Variants in C2orf74 observed in about 807,000 individuals in gnomAD.
C2orf74 encodes DPM1 ER membrane anchor 1.
Under a neutral mutation model 17.9 loss-of-function variants are expected in C2orf74, and 14 were observed. The ratio of observed to expected loss-of-function variants is 0.78; its 90% confidence interval spans 0.52 to 1.22. C2orf74 has a LOEUF of 1.22. C2orf74 is among the 50% of genes most tolerant of loss of function. The pLI is 0.00. For synonymous variants in C2orf74, 79 were observed against 72.6 expected (o/e 1.09, Z -0.44); for missense variants, 217 against 218.4 (o/e 0.99, Z 0.04).
rs34469347 is a variant in C2orf74, at chr2:61,155,834, G to GT, written c.-121-7000dup. ...CGTGCCCGGCCCCAGAAATCAAGGT[G>GT]TTTTTTTTAAACAGTTTTAAAGCAG... On this transcript the variant is annotated intron_variant, in intron 1 of 3. Coordinates refer to the C2orf74 transcript ENST00000426997. Among the ~76,000 whole-genome samples, 18 of 151,496 alleles carry GT rather than the reference G, an allele frequency of 1.2e-4. No homozygotes were observed. The East Asian group carries it at 2.5e-3, about 21-fold the overall frequency.
intron 1 of C2orf74, among the ~76,000 whole-genome samples, chr2:61,150,422 AGAG>A (rs1329434816): frequency 6.6e-6 from 1 of 152,178 alleles, no homozygotes; most frequent in African/African-American, 2.4e-5. Flanking sequence ...TCTCTATAAA[AGAG>A]GAGTGAGAGC....
rs1002586618 is a variant in C2orf74, at chr2:61,162,338, C to T, written c.-100+18C>T. Reference sequence around the variant, plus strand: ...TAGCCAGTGTGAGTCAACTCTGCAACAAGCAGAGCATCTTTCATGAAGCTG... The same window carrying T: ...TAGCCAGTGTGAGTCAACTCTGCAATAAGCAGAGCATCTTTCATGAAGCTG... On this transcript the variant is annotated intron_variant, in intron 1 of 4. Transcript: ENST00000432605. The T allele has an allele frequency of 4.9e-6, 3 of 610,344 alleles. No individual in the cohort carries two copies. Among genetic ancestry groups the T allele is most frequent in the Admixed American group, 3.2e-5 (1 of 31,338 alleles). 37.8% of individuals were successfully genotyped at this position (610,344 alleles called of 1,614,324 possible). A position where few individuals can be genotyped will look rare whatever the true frequency, so the allele number is the denominator to read the frequency against.
At chr2:61,154,299 G>A (rs561652130) in intron 1 of C2orf74, among the ~76,000 whole-genome samples, 1 of 151,914 alleles carries the variant, frequency 6.6e-6, no homozygotes, top group Admixed American at 6.6e-5. Flanking sequence ...TCATCCTACA[G>A]TATACTTGAT....
At chr2:61,147,148 A>T (rs1729656) in intron 1 of C2orf74, among the ~76,000 whole-genome samples, 1 of 151,428 alleles carries the variant, frequency 6.6e-6, no homozygotes, top group African/African-American at 2.4e-5. Context: ...CAGCCTAGGC[A>T]ACAGAGGAAG....
chr2:61,146,907 T>A (rs947326759), intron 1 of C2orf74, among the ~76,000 whole-genome samples: 7 of 151,598 alleles, frequency 4.6e-5, no homozygotes. Flanking sequence ...CCCACCACTT[T>A]GGAAGACTGA....
intron 1 of C2orf74, among the ~76,000 whole-genome samples, chr2:61,154,556 A>T (rs951081812): frequency 1.3e-5 from 2 of 152,320 alleles, no homozygotes; most frequent in Non-Finnish European, 1.5e-5. Flanking sequence ...TAAGATATTA[A>T]TAATAGGGGA....
chr2:61,164,429 A>G lies in C2orf74; in HGVS notation c.466A>G (p.Lys156Glu). 6.4e-7 allele frequency: 1 copy of G among 1,551,196 alleles called. No individual in the cohort carries two copies. The highest frequency in any genetic ancestry group is 1.2e-5 in the South Asian group (1 of 83,948). The change falls in exon 5 of 5, where the codon AAA (lysine) becomes GAA (glutamate). Residue 156 changes from lysine (K) to glutamate (E), a missense_variant. Lys to Glu is a moderately conservative substitution (Grantham distance 56). Transcript: ENST00000432605. The part of the protein sequence containing the change: ...SVVESQKRPL[K>E]GVTFSREVIV... ...TGTTGAAAGCCAAAAAAGACCTTTA[A>G]AAGGAGTGACATTTTCTAGGGAGGT...
chr2:61,155,445 A>G (rs1011414441), intron 1 of C2orf74, among the ~76,000 whole-genome samples: 4 of 152,080 alleles, frequency 2.6e-5, no homozygotes, highest in Non-Finnish European at 4.4e-5. Flanking sequence ...AATGAATGCA[A>G]TTCATTATAT....
upstream of C2orf74, among the ~76,000 whole-genome samples, chr2:61,158,872 G>A (rs1685476396): frequency 6.6e-6 from 1 of 152,162 alleles, no homozygotes; most frequent in African/African-American, 2.4e-5. Context: ...TGTTTATTCA[G>A]CAAACTATAC....
At chr2:61,152,673 A>ACC (rs1685265711) in intron 1 of C2orf74, among the ~76,000 whole-genome samples, 1 of 149,838 alleles carries the variant, frequency 6.7e-6, no homozygotes, top group South Asian at 2.1e-4. Flanking sequence ...ACATGGTGAA[A>ACC]CCCCATCTCT....
chr2:61,155,704 T>G (rs1223515693), intron 1 of C2orf74, among the ~76,000 whole-genome samples: 1 of 152,000 alleles, frequency 6.6e-6, no homozygotes, highest in African/African-American at 2.4e-5. Context: ...GTATTTTTAG[T>G]AGAGATGGGG....
At chr2:61,155,807 A>G (rs1284406408) in intron 1 of C2orf74, among the ~76,000 whole-genome samples, 1 of 149,122 alleles carries the variant, frequency 6.7e-6, no homozygotes, top group Admixed American at 6.8e-5. Flanking sequence ...GGCGTGAGCC[A>G]CCGTGCCCGG....
chr2:61,160,086 A>G (rs1157299201), upstream of C2orf74, among the ~76,000 whole-genome samples: 1 of 151,514 alleles, frequency 6.6e-6, no homozygotes, highest in Non-Finnish European at 1.5e-5. Context: ...CATGTGACCT[A>G]TTGTGTCTGG....
At chr2:61,158,512 G>A (rs1193722964), upstream of C2orf74, among the ~76,000 whole-genome samples, 1 of 152,240 alleles carries the variant, frequency 6.6e-6, no homozygotes. Flanking sequence ...CAGGGGTTCT[G>A]TCTAGGTCTT....
At chr2:61,146,856 C>CA (rs1559173024) in intron 1 of C2orf74, among the ~76,000 whole-genome samples, 1 of 146,132 alleles carries the variant, frequency 6.8e-6, no homozygotes, top group East Asian at 2.0e-4. Context: ...AAACAAAAAA[C>CA]AAAAAAACTG....
chr2:61,147,233 T>C (rs1279216709), intron 1 of C2orf74, among the ~76,000 whole-genome samples: 5 of 151,398 alleles, frequency 3.3e-5, no homozygotes, highest in Admixed American at 3.3e-4. Flanking sequence ...CTTTTTTTTT[T>C]TTGACAAGGT....
chr2:61,159,138 A>C (rs187998188), upstream of C2orf74, among the ~76,000 whole-genome samples: 849 of 152,148 alleles, frequency 5.6e-3, 8 homozygotes, highest in African/African-American at 0.02. Flanking sequence ...CTGGGACTAC[A>C]GATGCGTGCC....
chr2:61,145,546 C>T (rs947178591), intron 1 of C2orf74, among the ~76,000 whole-genome samples: 2 of 152,122 alleles, frequency 1.3e-5, no homozygotes, highest in East Asian at 3.8e-4. Flanking sequence ...ACCTCAGCCT[C>T]CCGAGTAGCT....
chr2:61,162,583 C>T lies in C2orf74; in HGVS notation c.69C>T (p.Leu23=), dbSNP rs2103646798. The change falls in exon 2 of 5, where the codon CTC becomes CTT. Residue 23 remains leucine, a synonymous_variant. Transcript: ENST00000432605. ...TAATTTGCCTCATTTGCATCCTCCT[C>T]TTATTGGTGGTTTTTTTATATAAAT... ...ILLICLICIL[L]LLVVFLYKCF... is the part of the protein sequence containing the mutation. The T allele has an allele frequency of 1.9e-6, 3 of 1,549,754 alleles. No individual in the cohort carries two copies. The highest frequency in any genetic ancestry group is 2.6e-6 in the Non-Finnish European group (3 of 1,145,386).
Sources: allele counts gnomAD v4.1 joint callset (sites outside exome capture counted in the v4.1 genomes callset), GRCh38; gene constraint gnomAD v4.1.1; transcripts MANE v1.5; gene names NCBI Gene and HGNC (gene_info 2026-07-23, HGNC 2026-07-21).